Variants in EMP3 observed in about 807,000 individuals in gnomAD.
The protein encoded by EMP3 is epithelial membrane protein 3.
EMP3 carries 15 observed loss-of-function variants against 21.6 expected under a neutral mutation model. The ratio of observed to expected loss-of-function variants is 0.69; its 90% CI spans 0.46 to 1.07. EMP3 has a LOEUF of 1.07. Among genes scored for constraint, EMP3 ranks in the 50% least tolerant of loss-of-function variants. EMP3 has a pLI of 0.00. For missense variants in EMP3, 183 were observed against 206.6 expected, an observed-to-expected ratio of 0.89 and a Z score of 0.70; for synonymous variants, 107 against 86.1, an observed-to-expected ratio of 1.24 and a Z score of -1.34.
At chr19:48,330,252 TG>T in intron 4 of EMP3, 48 bp from the exon 5 acceptor site, 1 of 1,496,968 alleles carries the variant, frequency 6.7e-7, no homozygotes, top group African/African-American at 1.4e-5. Flanking sequence ...TATTGGGAAA[TG>T]TAGTCTTGAG....
In EMP3 at chr19:48,329,853, A is replaced by C; in HGVS notation, c.322+361A>C. 6.6e-6 allele frequency among the ~76,000 whole-genome samples: 1 copy of C among 152,170 alleles called. No individual in the cohort carries two copies. Among genetic ancestry groups the C allele is most frequent in the Non-Finnish European group, 1.5e-5 (1 of 68,038 alleles). On this transcript the variant is annotated intron_variant, in intron 4 of 4. Coordinates refer to ENST00000270221, the MANE Select transcript of EMP3 (RefSeq NM_001425.3). This position sits in a 1 kb window ranked among gnomAD's most constrained non-coding sequence, Gnocchi z 4.5. ...ACCTCAGTAGAGAGCTCTAAATCAT[A>C]ATAATAATGGTATTTATATCAGCCA...
chr19:48,325,662 A>C (rs886548899), intron 1 of EMP3, 52 bp downstream of exon 1: 1 of 152,160 alleles, frequency 6.6e-6, no homozygotes, highest in Non-Finnish European at 1.5e-5. Flanking sequence ...TTACTTGGGA[A>C]TGTAGCAGTT....
At position 48,330,424 on chromosome 19, in the gene EMP3, C is replaced by G. The variant is rs763874267; in HGVS notation, c.446C>G (p.Ala149Gly). 6.3e-7 allele frequency: 1 copy of G among 1,598,906 alleles called. No homozygotes were observed. Among genetic ancestry groups the G allele is most frequent in the Non-Finnish European group, 8.5e-7 (1 of 1,173,494 alleles). Residue 149 changes from alanine (A) to glycine (G), a missense_variant, in exon 5 of 5, where the codon GCC becomes GGC. Transcript: ENST00000270221. ...FALAWVAFPLALVSGIIYIHL... is the reference protein window; with the variant it reads ...FALAWVAFPLGLVSGIIYIHL... ...CTGGCCTGGGTGGCCTTCCCCCTCG[C>G]CCTGGTCAGCGGCATCATCTACATC... is the stretch of plus-strand genomic sequence containing the variant.
intron 2 of EMP3, among the ~76,000 whole-genome samples, chr19:48,327,284 G>A (rs915199399): frequency 6.6e-6 from 1 of 151,870 alleles, no homozygotes; most frequent in East Asian, 1.9e-4. Context: ...CACCTGCCTC[G>A]GCCTCCCACA....
chr19:48,329,336 G>A lies in EMP3; in HGVS notation c.182-16G>A. 6.2e-7 allele frequency: 1 copy of A among 1,614,024 alleles called. No homozygotes were observed. The highest frequency in any genetic ancestry group is 8.5e-7 in the Non-Finnish European group (1 of 1,179,978). On this transcript the variant is annotated splice_polypyrimidine_tract_variant and intron_variant, in intron 3 of 4. Coordinates refer to ENST00000270221, the MANE Select transcript of EMP3 (RefSeq NM_001425.3). This position sits in a 1 kb window ranked among gnomAD's most constrained non-coding sequence, Gnocchi z 4.5. ...GACCCACGGTGATGTCCCCCTCTGT[G>A]TCCTCCTTACTGCAGGCTGGCTGAA...
chr19:48,327,433 C>G (rs965470520), intron 2 of EMP3, 88 bp from the exon 3 acceptor site: 1 of 967,546 alleles, frequency 1.0e-6, no homozygotes, highest in East Asian at 2.6e-5. Flanking sequence ...ATACCCTGCC[C>G]TTTTCCCAGC....
chr19:48,325,719 A>T (rs1287665451), intron 1 of EMP3, 109 bp downstream of exon 1: 1 of 152,178 alleles, frequency 6.6e-6, no homozygotes, highest in Admixed American at 6.5e-5. Context: ...GACTCTTGGA[A>T]ATCCTTTTAA....
At chr19:48,328,601 G>A (rs1969162484) in intron 3 of EMP3, among the ~76,000 whole-genome samples, 1 of 152,066 alleles carries the variant, frequency 6.6e-6, no homozygotes, top group African/African-American at 2.4e-5. Flanking sequence ...CAGGTGCATT[G>A]GAGTTCTAAA....
rs1969110119 is a variant in EMP3, at chr19:48,325,562, G to A, written c.-64G>A. On this transcript the variant is annotated 5_prime_UTR_variant, in exon 1 of 5. Coordinates refer to ENST00000270221, the MANE Select transcript of EMP3 (RefSeq NM_001425.3). Reference sequence around the variant, plus strand: ...AGAAGGGCGGGGCACGGAGGCCCGAGCGAGGGACAAGACTCCGACTCCAGC... The same window carrying A: ...AGAAGGGCGGGGCACGGAGGCCCGAACGAGGGACAAGACTCCGACTCCAGC... 1 of 152,154 alleles carries A rather than the reference G, an allele frequency of 6.6e-6. No homozygotes were observed. The highest frequency in any genetic ancestry group is 1.5e-5 in the Non-Finnish European group (1 of 68,068). The allele number at this position is 152,154 out of a possible 1,614,324, so 9.4% of individuals were successfully genotyped here.
chr19:48,327,533 CTCCCTGGGAAAGAG>C lies in EMP3; in HGVS notation c.98_111del (p.Gly33GlufsTer19). On this transcript the variant is annotated frameshift_variant, in exon 3 of 5. Coordinates refer to ENST00000270221, the MANE Select transcript of EMP3 (RefSeq NM_001425.3). LOFTEE classifies it high-confidence loss of function. ...CTGTCCATCCCAGTCCTGGTGGACTCTCCCTGGGAAAGAGTCCCTGAATCTCTGGTACGACTGCA... is the reference window on the plus strand; with the variant it reads ...CTGTCCATCCCAGTCCTGGTGGACTCTCCCTGAATCTCTGGTACGACTGCA... 6.2e-7 allele frequency: 1 copy of C among 1,613,250 alleles called. No individual in the cohort carries two copies. Among genetic ancestry groups the C allele is most frequent in the Non-Finnish European group, 8.5e-7 (1 of 1,179,684 alleles).
intron 3 of EMP3, chr19:48,327,943 G>A (rs1969151903): frequency 3.2e-6 from 1 of 308,984 alleles, no homozygotes; most frequent in Admixed American, 4.7e-5. Context: ...GAGTAGCTGG[G>A]ACTGCAGGTG....
In EMP3 at chr19:48,327,532, T is replaced by A. The variant is rs1969141819; in HGVS notation, c.90T>A (p.Thr30=). The change falls in exon 3 of 5, where the codon ACT becomes ACA. Residue 30 remains threonine, a synonymous_variant. Transcript: ENST00000270221. The part of the protein sequence containing the change: ...FVATLDKSWW[T]LPGKESLNLW... ...TCTGTCCATCCCAGTCCTGGTGGAC[T>A]CTCCCTGGGAAAGAGTCCCTGAATC... 1 of 1,613,152 alleles carries A rather than the reference T, an allele frequency of 6.2e-7. No individual in the cohort carries two copies. The highest frequency in any genetic ancestry group is 8.5e-7 in the Non-Finnish European group (1 of 1,179,690).
At chr19:48,327,739 G>A (rs1427787982) in intron 3 of EMP3, 116 bp downstream of exon 3, 1 of 883,166 alleles carries the variant, frequency 1.1e-6, no homozygotes, top group Non-Finnish European at 1.8e-6. Context: ...GCGGGGTCCA[G>A]GCCTGAGTGG....
chr19:48,329,243 C>A lies in EMP3; in HGVS notation c.182-109C>A. Reference sequence around the variant, plus strand: ...TCTAAGTATCTAGGCTTGTATGGGCCTAAACGGGAGCAGGGATGGGGCAGA... The same window carrying A: ...TCTAAGTATCTAGGCTTGTATGGGCATAAACGGGAGCAGGGATGGGGCAGA... On this transcript the variant is annotated intron_variant, in intron 3 of 4. Coordinates refer to ENST00000270221, the MANE Select transcript of EMP3 (RefSeq NM_001425.3). This position sits in a 1 kb window ranked among gnomAD's most constrained non-coding sequence, Gnocchi z 4.5. 1 of 1,422,624 alleles carries A rather than the reference C, an allele frequency of 7.0e-7. No individual in the cohort carries two copies. The highest frequency in any genetic ancestry group is 1.3e-5 in the South Asian group (1 of 75,600). The allele number at this position is 1,422,624 out of a possible 1,614,324, so 88.1% of individuals were successfully genotyped here.
intron 4 of EMP3, 135 bp from the exon 5 acceptor site, chr19:48,330,166 G>C (rs1265424622): frequency 1.5e-6 from 2 of 1,297,150 alleles, no homozygotes; most frequent in Non-Finnish European, 2.1e-6. Flanking sequence ...CGCTGGGCGG[G>C]GGGGAAAGAA....
Position 48,330,487 on chromosome 19 carries a change from G to C in EMP3, c.*17G>C. On this transcript the variant is annotated 3_prime_UTR_variant, in exon 5 of 5. Coordinates refer to ENST00000270221, the MANE Select transcript of EMP3 (RefSeq NM_001425.3). ...CGGGAGTGAGCGCCCCGCCTCGCTC[G>C]GCTGCCCCCGCCCCTTCCCGGCCCC... The C allele has an allele frequency of 6.4e-7, 1 of 1,566,296 alleles. No individual in the cohort carries two copies.
At chr19:48,328,193 C>T (rs9676908) in intron 3 of EMP3, among the ~76,000 whole-genome samples, 3 of 151,922 alleles carry the variant, frequency 2.0e-5, no homozygotes, top group South Asian at 2.1e-4. Context: ...GGGTAGATCA[C>T]GAGGCCAGGA....
rs1969186328 is a variant in EMP3, at chr19:48,330,342, G to T, written c.364G>T (p.Ala122Ser). ...TGGCGCCTTGATCTATGCCATTCAC[G>T]CCGAGGAGATCCTGGAGAAGCACCC... ...FTGALIYAIH[A>S]EEILEKHPRG... Residue 122 changes from alanine to serine, a missense_variant, in exon 5 of 5, where the codon GCC becomes TCC. Transcript: ENST00000270221. The T allele has an allele frequency of 9.3e-6, 15 of 1,605,746 alleles. No homozygotes were observed. The highest frequency in any genetic ancestry group is 1.2e-5 in the Non-Finnish European group (14 of 1,176,632).
chr19:48,330,199 G>A (rs1969183127), intron 4 of EMP3, 102 bp from the exon 5 acceptor site: 1 of 1,431,936 alleles, frequency 7.0e-7, no homozygotes. Flanking sequence ...GCAGGCAGCG[G>A]CGCTGCCCAC....
Sources: gnomAD v4.1 joint callset for allele counts (sites outside exome capture counted in the v4.1 genomes callset) on GRCh38, gnomAD v4.1.1 for gene constraint, Gnocchi (gnomAD v3.1) non-coding constraint, MANE v1.5 for transcripts, NCBI Gene and HGNC (gene_info 2026-07-23, HGNC 2026-07-21) for gene names.